Variants in MDGA2 observed in about 807,000 individuals in gnomAD.
MDGA2 encodes MAM domain containing glycosylphosphatidylinositol anchor 2.
Under a neutral mutation model 117.8 loss-of-function variants are expected in MDGA2, and 40 were observed. The observed-to-expected ratio is 0.34, with a 90% CI of 0.26 to 0.44. The LOEUF (loss-of-function observed/expected upper bound fraction) is 0.44, where lower values mean the gene tolerates loss of function less well. MDGA2 is among the 20% of genes least tolerant of loss of function. MDGA2 has a pLI of 1.00. For synonymous variants in MDGA2, 452 were observed against 439.0 expected (o/e 1.03, Z -0.37); for missense variants, 1,123 against 1,250.6 (o/e 0.90, Z 1.54).
At chr14:47,631,152 T>C (rs1473534330) in intron 1 of MDGA2, among the ~76,000 whole-genome samples, 1 of 152,170 alleles carries the variant, frequency 6.6e-6, no homozygotes, top group Non-Finnish European at 1.5e-5. Flanking sequence ...ACATAAATTG[T>C]CTGATATTTG....
At chr14:47,607,925 T>C (rs1180024402) in intron 1 of MDGA2, among the ~76,000 whole-genome samples, 1 of 152,044 alleles carries the variant, frequency 6.6e-6, no homozygotes, top group Non-Finnish European at 1.5e-5. Flanking sequence ...AGCATTGTGG[T>C]AATACTTTGA....
intron 1 of MDGA2, among the ~76,000 whole-genome samples, chr14:47,360,968 A>G (rs541438923): frequency 2.4e-4 from 37 of 152,258 alleles, no homozygotes; most frequent in African/African-American, 7.7e-4. Flanking sequence ...CAAAGGGTGC[A>G]AAGTTGTAGT....
intron 8 of MDGA2, among the ~76,000 whole-genome samples, chr14:47,009,214 T>A (rs1316200826): frequency 6.6e-6 from 1 of 152,042 alleles, no homozygotes; most frequent in Non-Finnish European, 1.5e-5. Context: ...TTTGCTTATA[T>A]ATAAATTTAT....
intron 3 of MDGA2, among the ~76,000 whole-genome samples, chr14:47,179,012 C>G (rs1443451202): frequency 1.3e-5 from 2 of 151,990 alleles, no homozygotes; most frequent in Non-Finnish European, 2.9e-5. Flanking sequence ...TGAAGATCCA[C>G]CAGGGACTTT....
chr14:47,145,266 T>C (rs1344397632), intron 3 of MDGA2, among the ~76,000 whole-genome samples: 1 of 152,124 alleles, frequency 6.6e-6, no homozygotes, highest in Non-Finnish European at 1.5e-5. Flanking sequence ...ACCTTGGGCT[T>C]TGTGATTCAA....
At chr14:47,246,261 C>G (rs1036140766) in intron 2 of MDGA2, among the ~76,000 whole-genome samples, 10 of 151,814 alleles carry the variant, frequency 6.6e-5, no homozygotes, top group African/African-American at 2.4e-4. Context: ...TCCAGCTTTT[C>G]AGTTTGTTCC....
At chr14:47,190,970 G>A (rs1355078389) in intron 3 of MDGA2, among the ~76,000 whole-genome samples, 2 of 151,964 alleles carry the variant, frequency 1.3e-5, no homozygotes, top group Non-Finnish European at 2.9e-5. Flanking sequence ...TCACTTTTTC[G>A]GGAGACATTC....
At chr14:46,944,531 T>C (rs938236415) in intron 9 of MDGA2, among the ~76,000 whole-genome samples, 20 of 151,986 alleles carry the variant, frequency 1.3e-4, no homozygotes, top group African/African-American at 4.8e-4. Flanking sequence ...AGCCATTTTT[T>C]CTGCCCCATT....
intron 2 of MDGA2, among the ~76,000 whole-genome samples, chr14:47,266,880 C>T (rs1235705639): frequency 6.6e-6 from 1 of 152,184 alleles, no homozygotes; most frequent in Non-Finnish European, 1.5e-5. Flanking sequence ...AGGAGAGGTG[C>T]TCTGCCTTCA....
intron 1 of MDGA2, among the ~76,000 whole-genome samples, chr14:47,470,828 C>A (rs1426301504): frequency 6.6e-6 from 1 of 152,040 alleles, no homozygotes; most frequent in Non-Finnish European, 1.5e-5. Flanking sequence ...TTCCAGTGGC[C>A]AAATTGTCAT....
intron 1 of MDGA2, among the ~76,000 whole-genome samples, chr14:47,614,445 T>C (rs185536443): frequency 3.6e-4 from 55 of 152,282 alleles, no homozygotes; most frequent in African/African-American, 1.2e-3. Context: ...TTCAGTTTTA[T>C]AGAGCAGAAG....
At chr14:46,851,445 A>T (rs1881053346) in intron 15 of MDGA2, among the ~76,000 whole-genome samples, 1 of 151,912 alleles carries the variant, frequency 6.6e-6, no homozygotes, top group African/African-American at 2.4e-5. Flanking sequence ...TGATCATGCT[A>T]AGTTAATTCT....
chr14:47,581,006 T>G (rs1594928232), intron 1 of MDGA2, among the ~76,000 whole-genome samples: 1 of 151,996 alleles, frequency 6.6e-6, no homozygotes, highest in Non-Finnish European at 1.5e-5. Context: ...AAGCAAAATT[T>G]TAATCACGTG....
At chr14:46,908,752 A>T (rs1297969878) in intron 10 of MDGA2, among the ~76,000 whole-genome samples, 1 of 152,206 alleles carries the variant, frequency 6.6e-6, no homozygotes, top group Non-Finnish European at 1.5e-5. Context: ...CTTACCTCAT[A>T]TAGTTTTTAA....
chr14:47,016,186 C>A (rs1428641155), intron 8 of MDGA2, among the ~76,000 whole-genome samples: 1 of 152,008 alleles, frequency 6.6e-6, no homozygotes, highest in Non-Finnish European at 1.5e-5. Context: ...ATTGCCAACT[C>A]AGTTACAATA....
At chr14:47,489,271 T>G (rs1054014094) in intron 1 of MDGA2, among the ~76,000 whole-genome samples, 12 of 152,090 alleles carry the variant, frequency 7.9e-5, no homozygotes, top group Non-Finnish European at 1.8e-4. Flanking sequence ...TGTTTTTCTC[T>G]CCAAATTTAT....
At chr14:46,970,117 C>T (rs1264418036) in intron 8 of MDGA2, among the ~76,000 whole-genome samples, 2 of 151,590 alleles carry the variant, frequency 1.3e-5, no homozygotes, top group African/African-American at 2.4e-5. Flanking sequence ...TAAAATGATT[C>T]TACTGCCCAA....
chr14:47,161,278 T>A (rs1479568982), intron 3 of MDGA2, among the ~76,000 whole-genome samples: 1 of 152,228 alleles, frequency 6.6e-6, no homozygotes, highest in East Asian at 1.9e-4. Flanking sequence ...TGATTTTCCA[T>A]TGAATTTAGC....
intron 1 of MDGA2, among the ~76,000 whole-genome samples, chr14:47,377,781 T>G (rs1413429795): frequency 1.3e-5 from 2 of 152,122 alleles, no homozygotes; most frequent in African/African-American, 4.8e-5. Context: ...ACTCTAGATC[T>G]GGGGGCAGGG....
Sources: gnomAD v4.1 joint callset for allele counts (sites outside exome capture counted in the v4.1 genomes callset) on GRCh38, gnomAD v4.1.1 for gene constraint, MANE v1.5 for transcripts, NCBI Gene and HGNC (gene_info 2026-07-23, HGNC 2026-07-21) for gene names.